Variants in COP1 observed in about 807,000 individuals in gnomAD.
COP1 encodes COP1 E3 ubiquitin ligase, also known as E3 ubiquitin-protein ligase COP1.
COP1 carries 24 observed loss-of-function variants against 101.3 expected under a neutral mutation model. The observed-to-expected ratio is 0.24, with a 90% confidence interval of 0.17 to 0.33. COP1 has a LOEUF of 0.33. Ranked by LOEUF, COP1 falls within the 10% of genes least tolerant of loss-of-function variation. The pLI is 1.00. For missense variants in COP1, 663 were observed against 906.2 expected, an observed-to-expected ratio of 0.73 and a Z score of 3.45; for synonymous variants, 347 against 341.9, an observed-to-expected ratio of 1.01 and a Z score of -0.17.
At chr1:176,190,924 AAAT>A (rs1372882873) in intron 1 of COP1, among the ~76,000 whole-genome samples, 1 of 152,036 alleles carries the variant, frequency 6.6e-6, no homozygotes, top group Non-Finnish European at 1.5e-5. Context: ...AAATACTTAA[AAAT>A]AATAATATTA....
chr1:175,949,509 G>A (rs1649613497), intron 18 of COP1, among the ~76,000 whole-genome samples: 1 of 152,110 alleles, frequency 6.6e-6, no homozygotes, highest in African/African-American at 2.4e-5. Flanking sequence ...CTTTCTAGCA[G>A]GAATTTTAAA....
intron 11 of COP1, among the ~76,000 whole-genome samples, chr1:176,062,880 A>C (rs1485121768): frequency 6.6e-6 from 1 of 152,210 alleles, no homozygotes; most frequent in African/African-American, 2.4e-5. Context: ...TGGGCGAAAT[A>C]AGCTAGACAC....
chr1:176,171,050 AG>A (rs1695972531), intron 3 of COP1, among the ~76,000 whole-genome samples: 1 of 145,916 alleles, frequency 6.9e-6, no homozygotes, highest in Non-Finnish European at 1.5e-5. Context: ...GCATGATCCC[AG>A]CAGGTGGAGC....
At chr1:176,087,414 A>C (rs894231598) in intron 9 of COP1, among the ~76,000 whole-genome samples, 4 of 152,238 alleles carry the variant, frequency 2.6e-5, no homozygotes, top group Non-Finnish European at 5.9e-5. Context: ...ATTTACGAGA[A>C]AAAATCAACC....
intron 18 of COP1, among the ~76,000 whole-genome samples, chr1:175,974,167 G>A (rs1653947048): frequency 6.6e-6 from 1 of 152,164 alleles, no homozygotes; most frequent in East Asian, 1.9e-4. Context: ...AATGGCAGGA[G>A]CTTGAACTAA....
rs1036576384 is a variant in COP1, at chr1:176,159,276, G to C, written c.762+3593C>G. 2.0e-5 allele frequency among the ~76,000 whole-genome samples: 3 copies of C among 152,188 alleles called. No homozygotes were observed. The East Asian group carries it at 5.8e-4, about 29-fold the overall frequency. ...ATATGAATAGGTAATTCATCAAATA[G>C]AAAACAAGGGTGGCCAAATGAAGAA... On this transcript the variant is annotated intron_variant, in intron 5 of 19. Coordinates refer to ENST00000367669, the MANE Select transcript of COP1 (RefSeq NM_022457.7).
rs146322218 is a variant in COP1 at position 175,961,789 on chromosome 1, A to T, written c.2134-14550T>A. ...AGTGATCCTTTACTTGGAAAAGATA[A>T]GAAAGGCTTCACAGATTAGGTCACA... On this transcript the variant is annotated intron_variant, in intron 18 of 19. Transcript: ENST00000367669. Among the ~76,000 whole-genome samples the T allele has an allele frequency of 2.1e-3, 312 of 152,172 alleles. 1 individual carries two copies. The highest frequency in any genetic ancestry group is 7.1e-3 in the African/African-American group (295 of 41,518).
At chr1:176,078,448 A>G (rs1678472176) in intron 11 of COP1, among the ~76,000 whole-genome samples, 1 of 152,222 alleles carries the variant, frequency 6.6e-6, no homozygotes. Flanking sequence ...AGCCATGTGC[A>G]GAAGAATAAA....
At chr1:175,994,269 C>A (rs528569951) in intron 15 of COP1, among the ~76,000 whole-genome samples, 3 of 151,946 alleles carry the variant, frequency 2.0e-5, no homozygotes, top group Non-Finnish European at 2.9e-5. Context: ...AGGAACAACC[C>A]ATACCAGCCA....
At position 176,085,900 on chromosome 1, in the gene COP1, TAAGAA is replaced by T. The variant is rs756192445; in HGVS notation, c.1027-15_1027-11del. The T allele has an allele frequency of 6.0e-6, 9 of 1,497,896 alleles. No individual in the cohort carries two copies. The Admixed American group carries it at 1.0e-4, about 17-fold the overall frequency. 92.8% of individuals were successfully genotyped at this position (1,497,896 alleles called of 1,614,324 possible). A position where few individuals can be genotyped will look rare whatever the true frequency, so the allele number is the denominator to read the frequency against. The stretch of plus-strand genomic sequence containing the variant: ...AAGGCTGTTTCTTTGTCTAAAATAA[TAAGAA>T]AAGACACAAAACTTAGAATAAACAA... On this transcript the variant is annotated splice_polypyrimidine_tract_variant and intron_variant, in intron 9 of 19. Transcript: ENST00000367669.
chr1:176,173,714 G>A (rs1405818087), intron 3 of COP1, among the ~76,000 whole-genome samples: 4 of 151,318 alleles, frequency 2.6e-5, no homozygotes, highest in East Asian at 1.9e-4. Context: ...AAGGCCAGGC[G>A]CAATGACTCA....
intron 18 of COP1, among the ~76,000 whole-genome samples, chr1:175,985,836 A>G (rs1236724790): frequency 6.6e-6 from 1 of 152,198 alleles, no homozygotes; most frequent in Admixed American, 6.5e-5. Flanking sequence ...AAATGGAGCC[A>G]CAGAACTTTA....
chr1:176,016,494 G>A (rs1665674289), intron 15 of COP1, among the ~76,000 whole-genome samples: 1 of 152,132 alleles, frequency 6.6e-6, no homozygotes, highest in Non-Finnish European at 1.5e-5. Context: ...TGTAAGGGTA[G>A]GAGCAGAAAC....
At chr1:176,062,606 C>A (rs1420031554) in intron 11 of COP1, among the ~76,000 whole-genome samples, 1 of 152,130 alleles carries the variant, frequency 6.6e-6, no homozygotes, top group Non-Finnish European at 1.5e-5. Context: ...CACATCCTAA[C>A]CATACAGCAC....
intron 5 of COP1, among the ~76,000 whole-genome samples, chr1:176,155,789 TAGG>T (rs998261166): frequency 1.6e-4 from 25 of 152,008 alleles, no homozygotes; most frequent in African/African-American, 6.0e-4. Context: ...ATACTAGCTT[TAGG>T]AGAAGGATGG....
At chr1:176,065,858 C>A (rs938709325) in intron 11 of COP1, among the ~76,000 whole-genome samples, 1 of 151,948 alleles carries the variant, frequency 6.6e-6, no homozygotes, top group Admixed American at 6.6e-5. Context: ...CAGGTGCGCA[C>A]CACCATGCTT....
rs769527841 is a variant in COP1, at chr1:175,945,157, A to G, written c.2192T>C (p.Val731Ala). Residue 731 changes from valine (V) to alanine (A), a missense_variant, in exon 20 of 20, where the codon GTA (valine) becomes GCA (alanine). Transcript: ENST00000367669. ...SQGTIKVLEL[V>A] ...AATTTGACTTGAGTTAACCCTTCAT[A>G]CCAATTCTAGCACCTAATTGGGGGG... is the stretch of plus-strand genomic sequence containing the variant. 3 of 1,581,104 alleles carry G rather than the reference A, an allele frequency of 1.9e-6. No homozygotes were observed. The African/African-American group carries it at 4.1e-5, about 21-fold the overall frequency.
In COP1 at chr1:175,953,120, T is replaced by C. The variant is rs373495715; in HGVS notation, c.2134-5881A>G. ...AAGCACAAATAATAAAAGGGGAGAA[T>C]AGAAGTATAATGTTATAAGATTCTT... On this transcript the variant is annotated intron_variant, in intron 18 of 19. Coordinates refer to ENST00000367669, the MANE Select transcript of COP1 (RefSeq NM_022457.7). Among the ~76,000 whole-genome samples the C allele has an allele frequency of 3.9e-5, 6 of 151,980 alleles. No homozygotes were observed. The East Asian group carries it at 9.7e-4, about 24-fold the overall frequency.
At chr1:176,007,041 C>G (rs991004941) in intron 15 of COP1, among the ~76,000 whole-genome samples, 7 of 152,170 alleles carry the variant, frequency 4.6e-5, no homozygotes, top group Admixed American at 3.9e-4. Flanking sequence ...GGAGGCTTTG[C>G]TCATTTCTTT....
Sources: gnomAD v4.1 joint callset for allele counts (sites outside exome capture counted in the v4.1 genomes callset) on GRCh38, gnomAD v4.1.1 for gene constraint, MANE v1.5 for transcripts, NCBI Gene and HGNC (gene_info 2026-07-23, HGNC 2026-07-21) for gene names.